ANKRD16: variants seen among roughly 807,000 people sequenced by gnomAD.
The protein encoded by ANKRD16 is ankyrin repeat domain 16.
In ANKRD16, 35 loss-of-function variants were observed where a neutral mutation model predicts 37.9. That is an observed-to-expected ratio of 0.92 (90% CI 0.71 to 1.23). The LOEUF (loss-of-function observed/expected upper bound fraction) is 1.23, where lower values mean the gene tolerates loss of function less well. Ranked by LOEUF, ANKRD16 falls within the 50% of genes most tolerant of loss-of-function variation. The pLI is 0.00. For synonymous variants in ANKRD16, 206 were observed against 197.2 expected (o/e 1.04, Z -0.37); for missense variants, 480 against 469.9 (o/e 1.02, Z -0.20).
At position 5,889,246 on chromosome 10, in the gene ANKRD16, C is replaced by T. The variant is rs202185769; in HGVS notation, c.109G>A (p.Gly37Arg). The change falls in exon 1 of 8, where the codon GGG becomes AGG. Residue 37 changes from glycine (G) to arginine (R), a missense_variant. Transcript: ENST00000380094. ...GCGGCGCAGTGCAGGAGGGTATCCC[C>T]GGCCGGCCCCGGGCAGCCCCCGGCC... ...QAAGGCPGPAGDTLLHCAARH... is the reference protein window; with the variant it reads ...QAAGGCPGPARDTLLHCAARH... 1.4e-4 allele frequency: 207 copies of T among 1,525,084 alleles called. 1 individual carries two copies. The East Asian group carries it at 4.9e-3, about 36-fold the overall frequency. 94.5% of individuals were successfully genotyped at this position (1,525,084 alleles called of 1,614,324 possible).
rs1260615814 is a variant in ANKRD16 at position 5,862,293 on chromosome 10, G to A, written c.*432C>T. The A allele has an allele frequency of 2.5e-6, 1 of 392,698 alleles. No homozygotes were observed. The highest frequency in any genetic ancestry group is 2.1e-5 in the African/African-American group (1 of 47,404). The allele number at this position is 392,698 out of a possible 1,614,324, so 24.3% of individuals were successfully genotyped here. The stretch of plus-strand genomic sequence containing the variant: ...AATGTTGACAATCTCATCAGAAGTG[G>A]TGCTACCACTGTGTTTCATGTTTTT... On this transcript the variant is annotated 3_prime_UTR_variant, in exon 8 of 8. Transcript: ENST00000380094. The surrounding 1 kb of genome is among the most constrained non-coding windows in gnomAD (Gnocchi z 6.5).
chr10:5,889,024 T>A lies in ANKRD16; in HGVS notation c.314+17A>T. On this transcript the variant is annotated intron_variant, in intron 1 of 7. Coordinates refer to ENST00000380094, the MANE Select transcript of ANKRD16 (RefSeq NM_019046.3). ...CGAGTAGAGGGGAGGCGGGGTGTCT[T>A]TCCGCTCCACACCTACCAGTCGGCC... The A allele has an allele frequency of 6.7e-7, 1 of 1,497,338 alleles. No individual in the cohort carries two copies. The highest frequency in any genetic ancestry group is 8.9e-7 in the Non-Finnish European group (1 of 1,129,018). 92.8% of individuals were successfully genotyped at this position (1,497,338 alleles called of 1,614,324 possible). A position where few individuals can be genotyped will look rare whatever the true frequency, so the allele number is the denominator to read the frequency against.
intron 3 of ANKRD16, 92 bp downstream of exon 3, chr10:5,885,631 T>TA (rs918314379): frequency 7.1e-7 from 1 of 1,411,346 alleles, no homozygotes; most frequent in Non-Finnish European, 9.7e-7. Flanking sequence ...ATTTTTTTCT[T>TA]AAAAATGTGT....
chr10:5,882,387 C>T (rs1418142719), intron 5 of ANKRD16, among the ~76,000 whole-genome samples: 1 of 149,852 alleles, frequency 6.7e-6, no homozygotes, highest in Admixed American at 6.7e-5. Flanking sequence ...ACCAAGAATA[C>T]AAAAATTAGC....
intron 3 of ANKRD16, among the ~76,000 whole-genome samples, chr10:5,884,342 G>A (rs1313099424): frequency 6.6e-6 from 1 of 152,174 alleles, no homozygotes; most frequent in East Asian, 1.9e-4. Context: ...CTGCACCAGA[G>A]ACCTGGAAGC....
In ANKRD16 at chr10:5,874,464, G is replaced by C. The variant is rs1398071866; in HGVS notation, c.*33+3633C>G. Among the ~76,000 whole-genome samples the C allele has an allele frequency of 6.6e-6, 1 of 152,208 alleles. No homozygotes were observed. Among genetic ancestry groups the C allele is most frequent in the Non-Finnish European group, 1.5e-5 (1 of 68,034 alleles). On this transcript the variant is annotated intron_variant, in intron 7 of 7. Coordinates refer to ENST00000380094, the MANE Select transcript of ANKRD16 (RefSeq NM_019046.3). The surrounding 1 kb of genome is among the most constrained non-coding windows in gnomAD (Gnocchi z 4.7). ...ACATGGCTGCCACTCTCTAGGAGGAGAGTGAGAGAGCTTGGGCAGGAGTCG... is the reference window on the plus strand; with the variant it reads ...ACATGGCTGCCACTCTCTAGGAGGACAGTGAGAGAGCTTGGGCAGGAGTCG...
intron 4 of ANKRD16, among the ~76,000 whole-genome samples, 155 bp from the exon 5 acceptor site, chr10:5,883,322 C>CT (rs1000247355): frequency 1.2e-4 from 18 of 151,746 alleles, no homozygotes; most frequent in African/African-American, 3.6e-4. Flanking sequence ...TCAAAGGATT[C>CT]TTTTTTTTTG....
chr10:5,886,733 A>T (rs764595361), intron 2 of ANKRD16, among the ~76,000 whole-genome samples: 2 of 152,234 alleles, frequency 1.3e-5, no homozygotes, highest in African/African-American at 4.8e-5. Context: ...TAGACTCTTG[A>T]GCTCCTTAAT....
rs56264154 is a variant in ANKRD16, at chr10:5,880,175, T to TA, written c.928+122dup. On this transcript the variant is annotated intron_variant, in intron 6 of 7. Transcript: ENST00000380094. ...ACTCTTGTCTCAACACCACCACCAC[T>TA]AAAAAAAAAAAAAAAAAAAAAAAAA... The TA allele has an allele frequency of 2.2e-3, 253 of 112,580 alleles. 6 individuals carry two copies. Among genetic ancestry groups the TA allele is most frequent in the East Asian group, 0.013 (57 of 4,552 alleles). The allele number at this position is 112,580 out of a possible 1,614,324, so 7.0% of individuals were successfully genotyped here.
In ANKRD16 at chr10:5,862,427, A is replaced by G. The variant is rs1269391957; in HGVS notation, c.*298T>C. On this transcript the variant is annotated 3_prime_UTR_variant, in exon 8 of 8. Transcript: ENST00000380094. The surrounding 1 kb of genome is among the most constrained non-coding windows in gnomAD (Gnocchi z 6.5). Reference sequence around the variant, plus strand: ...TCTGCTGTGGCTGGTCAGTTTCACTATCATCCTCAGACTCTTCCAGTCAAT... The same window carrying G: ...TCTGCTGTGGCTGGTCAGTTTCACTGTCATCCTCAGACTCTTCCAGTCAAT... The G allele has an allele frequency of 6.9e-6, 3 of 434,402 alleles. No homozygotes were observed. Among genetic ancestry groups the G allele is most frequent in the South Asian group, 1.7e-5 (1 of 57,724 alleles). 26.9% of individuals were successfully genotyped at this position (434,402 alleles called of 1,614,324 possible).
In ANKRD16 at chr10:5,872,677, C is replaced by G. The variant is rs539075362; in HGVS notation, c.*33+5420G>C. 7.3e-5 allele frequency among the ~76,000 whole-genome samples: 11 copies of G among 150,192 alleles called. No homozygotes were observed. The East Asian group carries it at 1.9e-3, about 25-fold the overall frequency. On this transcript the variant is annotated intron_variant, in intron 7 of 7. Coordinates refer to ENST00000380094, the MANE Select transcript of ANKRD16 (RefSeq NM_019046.3). The stretch of plus-strand genomic sequence containing the variant: ...ATTCACGCCATACTCCTGCCTCAGC[C>G]TCTCGAGTAGCTAGGACTACAGGCG...
In ANKRD16 at chr10:5,889,351, C is replaced by A; in HGVS notation, c.4G>T (p.Ala2Ser). The change falls in exon 1 of 8, where the codon GCC (alanine) becomes TCC (serine). Residue 2 changes from alanine (A) to serine (S), a missense_variant. Ala to Ser is a moderately conservative substitution (Grantham distance 99, BLOSUM62 1). Coordinates refer to ENST00000380094, the MANE Select transcript of ANKRD16 (RefSeq NM_019046.3). M[A>S]QPGDPRRLCR... ...AGGCGCCGCGGGTCCCCGGGCTGGG[C>A]CATCGCCGCGGGTCGGGCCGGGCTG... 1 of 1,231,324 alleles carries A rather than the reference C, an allele frequency of 8.1e-7. No homozygotes were observed. Among genetic ancestry groups the A allele is most frequent in the East Asian group, 3.3e-5 (1 of 30,694 alleles). 76.3% of individuals were successfully genotyped at this position (1,231,324 alleles called of 1,614,324 possible). A position where few individuals can be genotyped will look rare whatever the true frequency, so the allele number is the denominator to read the frequency against.
rs74433178 is a variant in ANKRD16, at chr10:5,887,017, C to G, written c.535+830G>C. On this transcript the variant is annotated intron_variant, in intron 2 of 7. Transcript: ENST00000380094. ...AGGCTATGAGGATATATATTTCCCT[C>G]CTGCCTTTAAGAGTAAGAATGTAAA... Among the ~76,000 whole-genome samples, 1,076 of 152,296 alleles carry G rather than the reference C, an allele frequency of 7.1e-3. 9 individuals are homozygous for G. Among genetic ancestry groups the G allele is most frequent in the Non-Finnish European group, 0.013 (901 of 68,028 alleles).
rs887880216 is a variant in ANKRD16 at position 5,864,911 on chromosome 10, C to T, written c.*34-2220G>A. Reference sequence around the variant, plus strand: ...TAAGAAAATATACTCCCCTGTCGCCCGACTCACTCGAGGGTCAATTGATCC... The same window carrying T: ...TAAGAAAATATACTCCCCTGTCGCCTGACTCACTCGAGGGTCAATTGATCC... On this transcript the variant is annotated intron_variant, in intron 7 of 7. Coordinates refer to ENST00000380094, the MANE Select transcript of ANKRD16 (RefSeq NM_019046.3). The surrounding 1 kb of genome is among the most constrained non-coding windows in gnomAD (Gnocchi z 4.4). 5.3e-4 allele frequency among the ~76,000 whole-genome samples: 80 copies of T among 152,092 alleles called. No homozygotes were observed. The highest frequency in any genetic ancestry group is 1.9e-3 in the African/African-American group (77 of 41,376).
chr10:5,884,105 G>C (rs781096825), intron 3 of ANKRD16, 28 bp from the exon 4 acceptor site: 1 of 1,594,822 alleles, frequency 6.3e-7, no homozygotes, highest in Non-Finnish European at 8.6e-7. Context: ...AGTAAGAGCT[G>C]AGAAAATTCA....
At chr10:5,883,816 C>T (rs1174608893) in intron 4 of ANKRD16, among the ~76,000 whole-genome samples, 153 bp downstream of exon 4, 1 of 152,196 alleles carries the variant, frequency 6.6e-6, no homozygotes, top group African/African-American at 2.4e-5. Flanking sequence ...GATGGGAACA[C>T]TGGTGCTTAA....
In ANKRD16 at chr10:5,869,407, G is replaced by A. The variant is rs1564413884; in HGVS notation, c.*34-6716C>T. On this transcript the variant is annotated intron_variant, in intron 7 of 7. Transcript: ENST00000380094. This position sits in a 1 kb window ranked among gnomAD's most constrained non-coding sequence, Gnocchi z 4.0. ...CCTACAGGCCCAGCTCTCTGGGGCT[G>A]CCCAGCCACCTGTGTCCAGCAAGGT... Among the ~76,000 whole-genome samples the A allele has an allele frequency of 6.6e-6, 1 of 152,152 alleles. No individual in the cohort carries two copies.
intron 7 of ANKRD16, among the ~76,000 whole-genome samples, chr10:5,876,857 G>T (rs1020284476): frequency 6.6e-6 from 1 of 151,908 alleles, no homozygotes; most frequent in African/African-American, 2.4e-5. Context: ...AATTCAGAGA[G>T]AAGGATCAAA....
chr10:5,884,981 T>C (rs1564419243), intron 3 of ANKRD16, among the ~76,000 whole-genome samples: 1 of 152,152 alleles, frequency 6.6e-6, no homozygotes, highest in Non-Finnish European at 1.5e-5. Context: ...GGCGCTGAGA[T>C]TCTTTACTCT....
Sources: gnomAD v4.1 joint callset for allele counts (sites outside exome capture counted in the v4.1 genomes callset) on GRCh38, gnomAD v4.1.1 for gene constraint, Gnocchi (gnomAD v3.1) non-coding constraint, MANE v1.5 for transcripts, NCBI Gene and HGNC (gene_info 2026-07-23, HGNC 2026-07-21) for gene names.